COL23A1: variants seen among roughly 807,000 people sequenced by gnomAD.
The protein encoded by COL23A1 is collagen type XXIII alpha 1 chain, also known as collagen alpha-1(XXIII) chain.
A neutral mutation model predicts 99.3 loss-of-function variants in COL23A1; 97 were observed. The ratio of observed to expected loss-of-function variants is 0.98; its 90% CI spans 0.83 to 1.16. COL23A1 has a LOEUF of 1.16. Ranked by LOEUF, COL23A1 falls within the 50% of genes most tolerant of loss-of-function variation. The probability of loss-of-function intolerance (pLI) is 0.00; values close to 1 mark genes in which losing one functional copy is unlikely to be tolerated. For synonymous variants in COL23A1, 320 were observed against 308.2 expected (o/e 1.04, Z -0.40); for missense variants, 762 against 757.4 (o/e 1.01, Z -0.07).
intron 2 of COL23A1, among the ~76,000 whole-genome samples, chr5:178,421,414 C>A (rs546043471): frequency 5.9e-5 from 9 of 152,284 alleles, no homozygotes; most frequent in Admixed American, 3.9e-4. Flanking sequence ...GTAATTATAT[C>A]TGTGTAGGGA....
chr5:178,577,657 C>T (rs10064672), intron 1 of COL23A1, among the ~76,000 whole-genome samples: 19,213 of 152,256 alleles, frequency 0.13, 1,733 homozygotes, highest in East Asian at 0.39. Context: ...CAGACCAGAG[C>T]GAGTGTCAAG....
At chr5:178,487,424 A>G (rs1757697825) in intron 2 of COL23A1, among the ~76,000 whole-genome samples, 1 of 151,988 alleles carries the variant, frequency 6.6e-6, no homozygotes, top group African/African-American at 2.4e-5. Flanking sequence ...GGTTCAAGCG[A>G]TTCTCCTGCC....
chr5:178,491,319 G>A lies in COL23A1; in HGVS notation c.361+69363C>T, dbSNP rs140834174. ...TCTAAGCTGGTGACCCCAAGAGGAC[G>A]ACAGTTCTCCTTCTGTCCTCCATTA... On this transcript the variant is annotated intron_variant, in intron 2 of 28. Transcript: ENST00000390654. Among the ~76,000 whole-genome samples the A allele has an allele frequency of 3.9e-5, 6 of 152,174 alleles. No homozygotes were observed. The East Asian group carries it at 1.2e-3, about 29-fold the overall frequency.
intron 2 of COL23A1, among the ~76,000 whole-genome samples, chr5:178,550,694 C>T (rs772495357): frequency 1.5e-4 from 23 of 152,102 alleles, no homozygotes; most frequent in Non-Finnish European, 3.1e-4. Flanking sequence ...CTGCACTGAA[C>T]CTGTCCCCCA....
chr5:178,357,808 A>ATG (rs759068915), intron 2 of COL23A1, among the ~76,000 whole-genome samples: 11 of 127,942 alleles, frequency 8.6e-5, no homozygotes, highest in Non-Finnish European at 1.5e-4. Context: ...GTGTGTGTGT[A>ATG]TGTGTGTATG....
At chr5:178,325,633 C>A (rs967704125) in intron 2 of COL23A1, among the ~76,000 whole-genome samples, 13 of 152,194 alleles carry the variant, frequency 8.5e-5, no homozygotes, top group Admixed American at 2.0e-4. Context: ...GGGATGGAGC[C>A]GTCTGCCCAT....
At chr5:178,518,235 TC>T (rs1259005101) in intron 2 of COL23A1, among the ~76,000 whole-genome samples, 3 of 144,702 alleles carry the variant, frequency 2.1e-5, no homozygotes, top group Admixed American at 1.4e-4. Flanking sequence ...ATCAACAGGA[TC>T]CCAAGGCAGA....
chr5:178,273,140 C>G (rs1478785142), intron 5 of COL23A1, among the ~76,000 whole-genome samples: 5 of 152,218 alleles, frequency 3.3e-5, no homozygotes, highest in Non-Finnish European at 5.9e-5. Context: ...AACCAAGGCC[C>G]CCTGGATGTG....
intron 2 of COL23A1, among the ~76,000 whole-genome samples, chr5:178,337,377 T>A (rs955349106): frequency 1.3e-5 from 2 of 152,268 alleles, no homozygotes; most frequent in Admixed American, 6.5e-5. Flanking sequence ...CTTTCCACTC[T>A]GGAGGCGGGC....
At chr5:178,358,829 A>G (rs1581225548) in intron 2 of COL23A1, among the ~76,000 whole-genome samples, 1 of 152,070 alleles carries the variant, frequency 6.6e-6, no homozygotes, top group Admixed American at 6.6e-5. Context: ...ATAAGCCCCC[A>G]CTCATATAAA....
chr5:178,585,787 C>T (rs1054913763), intron 1 of COL23A1, among the ~76,000 whole-genome samples: 1 of 39,826 alleles, frequency 2.5e-5, no homozygotes, highest in Non-Finnish European at 7.6e-5. Context: ...AGTCTTCCTT[C>T]CTACCAAAGC....
chr5:178,294,185 C>A (rs1165620640), intron 3 of COL23A1, among the ~76,000 whole-genome samples: 1 of 152,048 alleles, frequency 6.6e-6, no homozygotes, highest in Non-Finnish European at 1.5e-5. Context: ...AAGACAATGG[C>A]CCGAACCCAG....
intron 2 of COL23A1, among the ~76,000 whole-genome samples, chr5:178,376,228 C>T (rs1763064864): frequency 6.6e-6 from 1 of 152,232 alleles, no homozygotes; most frequent in Admixed American, 6.5e-5. Context: ...TGTCTGTCCC[C>T]TTGCTAAACG....
intron 2 of COL23A1, among the ~76,000 whole-genome samples, chr5:178,414,746 T>A (rs1344711316): frequency 6.6e-6 from 1 of 152,098 alleles, no homozygotes; most frequent in Admixed American, 6.5e-5. Flanking sequence ...CACTCCAGCA[T>A]GAGTGACAGA....
intron 2 of COL23A1, among the ~76,000 whole-genome samples, chr5:178,487,933 T>C (rs1011003776): frequency 2.0e-5 from 3 of 152,184 alleles, no homozygotes; most frequent in Non-Finnish European, 2.9e-5. Flanking sequence ...GAAGAGCACA[T>C]TGTGGCTGGG....
At chr5:178,257,903 C>G (rs1287858210) in intron 12 of COL23A1, among the ~76,000 whole-genome samples, 8 of 152,204 alleles carry the variant, frequency 5.3e-5, no homozygotes, top group Non-Finnish European at 1.2e-4. Flanking sequence ...GGAAAATATT[C>G]AAATAAATAC....
chr5:178,573,528 A>G (rs1362762850), intron 1 of COL23A1, among the ~76,000 whole-genome samples: 1 of 152,268 alleles, frequency 6.6e-6, no homozygotes, highest in Non-Finnish European at 1.5e-5. Flanking sequence ...GGTCCCTGAT[A>G]GGTCCTGAAA....
chr5:178,515,988 G>T (rs1759484873), intron 2 of COL23A1, among the ~76,000 whole-genome samples: 3 of 152,154 alleles, frequency 2.0e-5, no homozygotes, highest in Admixed American at 2.0e-4. Flanking sequence ...GGGTTCCTCA[G>T]GCTCAGTTCC....
At chr5:178,433,772 G>T (rs891333074) in intron 2 of COL23A1, among the ~76,000 whole-genome samples, 6 of 152,178 alleles carry the variant, frequency 3.9e-5, no homozygotes, top group Non-Finnish European at 8.8e-5. Flanking sequence ...TGGCTGAATT[G>T]TGCCCCCTTA....
Sources: gnomAD v4.1 joint callset for allele counts (sites outside exome capture counted in the v4.1 genomes callset) on GRCh38, gnomAD v4.1.1 for gene constraint, MANE v1.5 for transcripts, NCBI Gene and HGNC (gene_info 2026-07-23, HGNC 2026-07-21) for gene names.